USPL1: variants seen among roughly 807,000 people sequenced by gnomAD.
USPL1 encodes the protein ubiquitin specific peptidase like 1, also known as SUMO-specific isopeptidase USPL1.
A neutral mutation model predicts 51.5 loss-of-function variants in USPL1; 27 were observed. The observed-to-expected ratio is 0.52, with a 90% confidence interval of 0.39 to 0.72. USPL1 has a LOEUF of 0.72. Ranked by LOEUF, USPL1 falls within the 30% of genes least tolerant of loss-of-function variation. The pLI is 0.00. For missense variants in USPL1, 1,226 were observed against 1,268.0 expected (o/e 0.97, Z 0.50); for synonymous variants, 451 against 459.6 (o/e 0.98, Z 0.24).
At position 30,621,131 on chromosome 13, in the gene USPL1, A is replaced by G. The variant is rs532538601; in HGVS notation, c.-10A>G. 2 of 1,602,300 alleles carry G rather than the reference A, an allele frequency of 1.2e-6. No individual in the cohort carries two copies. Among genetic ancestry groups the G allele is most frequent in the African/African-American group, 1.3e-5 (1 of 74,458 alleles). Reference sequence around the variant, plus strand: ...TGTCTCAAGTGACATAAATTAGCCAATGACTCGGAATGATGGATTCTCCGA... The same window carrying G: ...TGTCTCAAGTGACATAAATTAGCCAGTGACTCGGAATGATGGATTCTCCGA... On this transcript the variant is annotated 5_prime_UTR_variant, in exon 2 of 9. It removes an upstream start codon present in the reference 5' UTR. Coordinates refer to ENST00000255304, the MANE Select transcript of USPL1 (RefSeq NM_005800.5).
intron 4 of USPL1, among the ~76,000 whole-genome samples, chr13:30,634,526 G>A (rs942246582): frequency 6.6e-6 from 1 of 152,056 alleles, no homozygotes; most frequent in South Asian, 2.1e-4. Flanking sequence ...AAAAATTTAT[G>A]GGGCTGTTTA....
rs1380601021 is a variant in USPL1 at position 30,660,030 on chromosome 13, G to A, written c.*674G>A. 6.6e-6 allele frequency: 1 copy of A among 152,390 alleles called. No individual in the cohort carries two copies. The highest frequency in any genetic ancestry group is 2.4e-5 in the African/African-American group (1 of 41,442). The allele number at this position is 152,390 out of a possible 1,614,324, so 9.4% of individuals were successfully genotyped here. On this transcript the variant is annotated 3_prime_UTR_variant, in exon 9 of 9. Coordinates refer to ENST00000255304, the MANE Select transcript of USPL1 (RefSeq NM_005800.5). ...TTGTCCAGAGGTCCTGCTGCTCTCA[G>A]ACGGGGCCCTGGAGAGGATAGCTTC... is the stretch of plus-strand genomic sequence containing the variant.
At chr13:30,619,032 G>A (rs551358908) in intron 1 of USPL1, among the ~76,000 whole-genome samples, 26 of 152,172 alleles carry the variant, frequency 1.7e-4, no homozygotes, top group African/African-American at 6.3e-4. Context: ...TGCGAAGAGG[G>A]AAATAAAGAA....
At chr13:30,619,758 A>C (rs893816625) in intron 1 of USPL1, among the ~76,000 whole-genome samples, 1 of 152,352 alleles carries the variant, frequency 6.6e-6, no homozygotes, top group South Asian at 2.1e-4. Context: ...TGACTCCTAC[A>C]TAGTTCTCTT....
At chr13:30,645,925 G>A (rs544081673) in intron 6 of USPL1, among the ~76,000 whole-genome samples, 1 of 152,346 alleles carries the variant, frequency 6.6e-6, no homozygotes, top group East Asian at 1.9e-4. Flanking sequence ...ATGTCATGTG[G>A]AGAATTAACA....
chr13:30,633,254 G>A (rs1254956454), intron 4 of USPL1, among the ~76,000 whole-genome samples: 1 of 152,084 alleles, frequency 6.6e-6, no homozygotes, highest in Non-Finnish European at 1.5e-5. Context: ...TTTATTATTA[G>A]TTTTAATCTT....
In USPL1 at chr13:30,648,503, C is replaced by T. The variant is rs531160707; in HGVS notation, c.1238+1446C>T. Among the ~76,000 whole-genome samples the T allele has an allele frequency of 4.8e-4, 73 of 152,294 alleles. 1 individual carries two copies. Among genetic ancestry groups the T allele is most frequent in the African/African-American group, 1.7e-3 (71 of 41,564 alleles). On this transcript the variant is annotated intron_variant, in intron 7 of 8. Coordinates refer to ENST00000255304, the MANE Select transcript of USPL1 (RefSeq NM_005800.5). ...GCCTCATCCCCACATTCTATCACAT[C>T]TGTTGCCCATAAATATCCAGTCCTT...
chr13:30,625,178 T>C (rs766152303), intron 3 of USPL1, among the ~76,000 whole-genome samples: 4 of 152,210 alleles, frequency 2.6e-5, no homozygotes, highest in African/African-American at 4.8e-5. Flanking sequence ...AGTTTATTTA[T>C]ACTTTGAAGG....
chr13:30,649,048 T>C (rs1951054347), intron 7 of USPL1, among the ~76,000 whole-genome samples: 1 of 152,234 alleles, frequency 6.6e-6, no homozygotes, highest in South Asian at 2.1e-4. Context: ...CTGCAGCATA[T>C]ATATTTTTTA....
At chr13:30,648,478 G>A (rs943974196) in intron 7 of USPL1, among the ~76,000 whole-genome samples, 9 of 151,992 alleles carry the variant, frequency 5.9e-5, no homozygotes, top group African/African-American at 1.7e-4. Context: ...TTAGCCCAAG[G>A]CCTCATCCCC....
At chr13:30,628,975 A>G (rs2137627426) in intron 3 of USPL1, among the ~76,000 whole-genome samples, 1 of 152,290 alleles carries the variant, frequency 6.6e-6, no homozygotes, top group Admixed American at 6.5e-5. Flanking sequence ...ATATGATAGG[A>G]CTTAGGAAGT....
chr13:30,619,930 G>GT (rs1411619923), intron 1 of USPL1, among the ~76,000 whole-genome samples: 8 of 152,202 alleles, frequency 5.3e-5, no homozygotes, highest in Non-Finnish European at 1.0e-4. Flanking sequence ...GATCTAGAGG[G>GT]TAAAGGTCAG....
chr13:30,638,594 TTTTG>T (rs1248786118), intron 5 of USPL1, among the ~76,000 whole-genome samples: 1 of 152,082 alleles, frequency 6.6e-6, no homozygotes, highest in East Asian at 1.9e-4. Flanking sequence ...TGCGGGGTTT[TTTTG>T]TTTGTTTTTG....
At chr13:30,623,783 C>A (rs1950675286) in intron 3 of USPL1, among the ~76,000 whole-genome samples, 2 of 152,048 alleles carry the variant, frequency 1.3e-5, no homozygotes, top group African/African-American at 4.8e-5. Flanking sequence ...GGAGATCAAG[C>A]TGTATAAAAA....
chr13:30,639,898 T>G (rs959095208), intron 5 of USPL1, among the ~76,000 whole-genome samples: 1 of 152,246 alleles, frequency 6.6e-6, no homozygotes, highest in Non-Finnish European at 1.5e-5. Context: ...CCCTGATAAT[T>G]ATTTTTGGAA....
In USPL1 at chr13:30,644,968, C is replaced by T. The variant is rs972995622; in HGVS notation, c.1113-1964C>T. Among the ~76,000 whole-genome samples the T allele has an allele frequency of 2.0e-5, 3 of 152,154 alleles. No individual in the cohort carries two copies. The East Asian group carries it at 5.8e-4, about 29-fold the overall frequency. ...TCTATCATTGCTTTATATAAATTCT[C>T]TGGTTTTCTCCTCACAGTAACTCAG... On this transcript the variant is annotated intron_variant, in intron 6 of 8. Transcript: ENST00000255304.
chr13:30,645,039 G>A (rs1950999819), intron 6 of USPL1, among the ~76,000 whole-genome samples: 1 of 152,180 alleles, frequency 6.6e-6, no homozygotes. Context: ...GGATATGACA[G>A]CTTGAAAGGG....
chr13:30,622,801 T>A (rs1281110862), intron 3 of USPL1, among the ~76,000 whole-genome samples: 4 of 152,190 alleles, frequency 2.6e-5, no homozygotes, highest in Non-Finnish European at 5.9e-5. Context: ...CTAGACTAAA[T>A]CACATGGTTG....
At chr13:30,652,636 A>G (rs1593391434) in intron 7 of USPL1, among the ~76,000 whole-genome samples, 1 of 152,240 alleles carries the variant, frequency 6.6e-6, no homozygotes, top group African/African-American at 2.4e-5. Context: ...CCTAAGTAGA[A>G]CTTTTAATTT....
Sources: gnomAD v4.1 joint callset for allele counts (sites outside exome capture counted in the v4.1 genomes callset) on GRCh38, gnomAD v4.1.1 for gene constraint, MANE v1.5 for transcripts, NCBI Gene and HGNC (gene_info 2026-07-23, HGNC 2026-07-21) for gene names.